Variants in CBFA2T3 observed in about 807,000 individuals in gnomAD.
CBFA2T3 encodes transcriptional corepressor CBFA2T3.
Under a neutral mutation model 58.6 loss-of-function variants are expected in CBFA2T3, and 31 were observed. The ratio of observed to expected loss-of-function variants is 0.53; its 90% CI spans 0.40 to 0.71. CBFA2T3 has a LOEUF of 0.71. Ranked by LOEUF, CBFA2T3 falls within the 30% of genes least tolerant of loss-of-function variation. The pLI, the probability that CBFA2T3 is intolerant of heterozygous loss-of-function variation, is 0.00. For synonymous variants in CBFA2T3, 531 were observed against 421.9 expected (o/e 1.26, Z -3.17); for missense variants, 1,076 against 963.1 (o/e 1.12, Z -1.55).
rs1238251398 is a variant in CBFA2T3, at chr16:88,876,320, C to T, written c.*656G>A. 3 of 228,150 alleles carry T rather than the reference C, an allele frequency of 1.3e-5. No individual in the cohort carries two copies. The highest frequency in any genetic ancestry group is 1.1e-4 in the Admixed American group (2 of 17,592). The allele number at this position is 228,150 out of a possible 1,614,324, so 14.1% of individuals were successfully genotyped here. On this transcript the variant is annotated 3_prime_UTR_variant, in exon 12 of 12. Transcript: ENST00000268679. ...AAAAAATCTGAAACCAAAAATGCAT[C>T]TTGAGTCAGAAATCGAAATCTTTCC...
chr16:88,935,939 T>A (rs1221716135), intron 1 of CBFA2T3, among the ~76,000 whole-genome samples: 1 of 147,600 alleles, frequency 6.8e-6, no homozygotes, highest in Non-Finnish European at 1.5e-5. Flanking sequence ...GGGAGGGGAG[T>A]CGAATCCAGG....
chr16:88,933,106 C>G (rs1334210384), intron 1 of CBFA2T3, among the ~76,000 whole-genome samples: 6 of 152,216 alleles, frequency 3.9e-5, no homozygotes, highest in Non-Finnish European at 7.3e-5. Flanking sequence ...ACAGGCCAGG[C>G]CCTCAGTGTG....
At chr16:88,907,822 C>T (rs748955363) in intron 1 of CBFA2T3, among the ~76,000 whole-genome samples, 1 of 152,270 alleles carries the variant, frequency 6.6e-6, no homozygotes. Context: ...CTGTCCTTCC[C>T]ACCCTCGATG....
chr16:88,939,135 A>T (rs1374936503), intron 1 of CBFA2T3: 1 of 152,180 alleles, frequency 6.6e-6, no homozygotes, highest in East Asian at 1.9e-4. Flanking sequence ...CAAACCAGAG[A>T]GATTTCCTGG....
chr16:88,975,170 T>TGCTCCTGAC (rs1597806555), intron 1 of CBFA2T3, among the ~76,000 whole-genome samples: 51 of 137,670 alleles, frequency 3.7e-4, no homozygotes, highest in Admixed American at 8.0e-4. Flanking sequence ...CCTGACCCTC[T>TGCTCCTGAC]CTGCTCCACA....
rs769321042 is a variant in CBFA2T3 at position 88,886,041 on chromosome 16, G to A, written c.813C>T (p.Asp271=). ...AGTCGATGGGGGAGGAGGCGCTGGC[G>A]TCCAGCAGGAGCTGCTCATGCTGGG... is the stretch of plus-strand genomic sequence containing the variant. The part of the protein sequence containing the change: ...YLAQHEQLLL[D]ASASSPIDSS... The change falls in exon 6 of 12, where the codon GAC becomes GAT. Residue 271 remains aspartate (D), a synonymous_variant. Coordinates refer to ENST00000268679, the MANE Select transcript of CBFA2T3 (RefSeq NM_005187.6). The A allele has an allele frequency of 3.1e-5, 49 of 1,578,588 alleles. No individual in the cohort carries two copies. The highest frequency in any genetic ancestry group is 2.4e-4 in the Admixed American group (13 of 54,040).
intron 1 of CBFA2T3, among the ~76,000 whole-genome samples, chr16:88,904,434 A>T (rs1052449009): frequency 6.6e-6 from 1 of 152,090 alleles, no homozygotes; most frequent in Non-Finnish European, 1.5e-5. Flanking sequence ...GCGGGCCGGG[A>T]TCGGAACCAC....
intron 3 of CBFA2T3, among the ~76,000 whole-genome samples, chr16:88,893,189 C>A (rs974982369): frequency 2.0e-5 from 3 of 149,530 alleles, no homozygotes; most frequent in African/African-American, 7.4e-5. Flanking sequence ...AATGTCCCCA[C>A]AACAGGTGCC....
chr16:88,972,925 C>A (rs1972690274), intron 1 of CBFA2T3, among the ~76,000 whole-genome samples: 1 of 152,200 alleles, frequency 6.6e-6, no homozygotes, highest in Non-Finnish European at 1.5e-5. Flanking sequence ...TTGCAGGCAC[C>A]CTTGGGGCTG....
At chr16:88,911,742 G>C (rs990763767) in intron 1 of CBFA2T3, among the ~76,000 whole-genome samples, 10 of 152,260 alleles carry the variant, frequency 6.6e-5, no homozygotes, top group Admixed American at 6.5e-4. Flanking sequence ...TATCTGTCCG[G>C]CCACAACGGC....
intron 3 of CBFA2T3, among the ~76,000 whole-genome samples, chr16:88,895,501 C>A (rs1252008512): frequency 6.6e-6 from 1 of 152,184 alleles, no homozygotes; most frequent in Non-Finnish European, 1.5e-5. Context: ...CAGGGCAGCC[C>A]GGCTCCCCCA....
At chr16:88,913,992 G>A (rs1970608273) in intron 1 of CBFA2T3, among the ~76,000 whole-genome samples, 1 of 152,202 alleles carries the variant, frequency 6.6e-6, no homozygotes, top group Non-Finnish European at 1.5e-5. Context: ...ACAAGCCACA[G>A]CTGCACCGGC....
chr16:88,887,861 G>A (rs970717137), intron 5 of CBFA2T3, among the ~76,000 whole-genome samples: 6 of 152,178 alleles, frequency 3.9e-5, no homozygotes, highest in African/African-American at 1.4e-4. Context: ...CTCAGGCTGG[G>A]GAACTGGTGT....
Position 88,879,397 on chromosome 16 carries a change from G to A in CBFA2T3, c.1535C>T (p.Ala512Val), listed in dbSNP as rs753386888. 5.6e-6 allele frequency: 9 copies of A among 1,612,750 alleles called. No homozygotes were observed. Among genetic ancestry groups the A allele is most frequent in the East Asian group, 2.2e-5 (1 of 44,880 alleles). Residue 512 changes from alanine (A) to valine (V), a missense_variant, in exon 11 of 12, where the codon GCG becomes GTG. Physicochemically the swap from Ala to Val is moderately conservative, Grantham distance 64. Transcript: ENST00000268679. ...MSELQKAVSDAERKAHELITT... is the reference protein window; with the variant it reads ...MSELQKAVSDVERKAHELITT... ...GATGAGCTCGTGCGCTTTGCGCTCC[G>A]CGTCCGACACGGCTTTCTGCAGCTC... is the stretch of plus-strand genomic sequence containing the variant.
chr16:88,884,397 G>A (rs1404170634), intron 7 of CBFA2T3, among the ~76,000 whole-genome samples: 3 of 152,236 alleles, frequency 2.0e-5, no homozygotes, highest in African/African-American at 7.2e-5. Context: ...TCAGCACAGA[G>A]GCCGTCAAAA....
chr16:88,897,439 A>G (rs1969932644), intron 3 of CBFA2T3, among the ~76,000 whole-genome samples: 1 of 152,206 alleles, frequency 6.6e-6, no homozygotes, highest in African/African-American at 2.4e-5. Context: ...TGGTTGACAA[A>G]AACTATAACC....
chr16:88,942,612 C>T (rs1971781101), intron 1 of CBFA2T3, among the ~76,000 whole-genome samples: 1 of 152,168 alleles, frequency 6.6e-6, no homozygotes, highest in African/African-American at 2.4e-5. Context: ...GGGAGGACAG[C>T]ACCATGTCCT....
Position 88,875,426 on chromosome 16 carries a change from G to C in CBFA2T3, c.*1550C>G, listed in dbSNP as rs1968792915. The C allele has an allele frequency of 4.3e-6, 1 of 233,410 alleles. No homozygotes were observed. Among genetic ancestry groups the C allele is most frequent in the Non-Finnish European group, 8.5e-6 (1 of 118,188 alleles). The allele number at this position is 233,410 out of a possible 1,614,324, so 14.5% of individuals were successfully genotyped here. On this transcript the variant is annotated 3_prime_UTR_variant, in exon 12 of 12. Transcript: ENST00000268679. ...CAGGGCCAGAGGCGAACGCATCTGA[G>C]GGGTGGCTGGGCAGGAGCACCAGGG...
At chr16:88,907,094 G>A (rs552603157) in intron 1 of CBFA2T3, among the ~76,000 whole-genome samples, 1 of 152,318 alleles carries the variant, frequency 6.6e-6, no homozygotes, top group Non-Finnish European at 1.5e-5. Flanking sequence ...GCCCATGAAA[G>A]AGAAACGAGG....
Sources: gnomAD v4.1 joint callset for allele counts (sites outside exome capture counted in the v4.1 genomes callset) on GRCh38, gnomAD v4.1.1 for gene constraint, MANE v1.5 for transcripts, NCBI Gene and HGNC (gene_info 2026-07-23, HGNC 2026-07-21) for gene names.